The following ABCC5 variants were observed in gnomAD, a reference collection of about 807,000 sequenced individuals.
The protein encoded by ABCC5 is ATP binding cassette subfamily C member 5, also known as ATP-binding cassette sub-family C member 5.
A neutral mutation model predicts 160.9 loss-of-function variants in ABCC5; 61 were observed. The observed-to-expected ratio is 0.38, with a 90% CI of 0.31 to 0.47. The LOEUF (loss-of-function observed/expected upper bound fraction) is 0.47. ABCC5 is among the 20% of genes least tolerant of loss of function. The pLI, the probability that ABCC5 is intolerant of heterozygous loss-of-function variation, is 0.99. For synonymous variants in ABCC5, 666 were observed against 700.6 expected, an observed-to-expected ratio of 0.95 and a Z score of 0.78; for missense variants, 1,308 against 1,813.3, an observed-to-expected ratio of 0.72 and a Z score of 5.06.
At chr3:183,964,406 T>C (rs970762098) in intron 14 of ABCC5, among the ~76,000 whole-genome samples, 1 of 152,246 alleles carries the variant, frequency 6.6e-6, no homozygotes, top group Non-Finnish European at 1.5e-5. Flanking sequence ...AATATTCAAT[T>C]AATTCAGAGG....
In ABCC5 at chr3:183,952,543, G is replaced by A. The variant is rs183720388; in HGVS notation, c.2668-540C>T. Among the ~76,000 whole-genome samples, 167 of 152,288 alleles carry A rather than the reference G, an allele frequency of 1.1e-3. 5 individuals are homozygous for A. In the East Asian group the frequency reaches 0.026, roughly 24 times the overall value. Reference sequence around the variant, plus strand: ...TTCCCAGGTGTTGAGGAAGGGACCCGGTGGGAGGTGACCGGATTGTGGGGT... The same window carrying A: ...TTCCCAGGTGTTGAGGAAGGGACCCAGTGGGAGGTGACCGGATTGTGGGGT... On this transcript the variant is annotated intron_variant, in intron 18 of 29. Coordinates refer to ENST00000334444, the MANE Select transcript of ABCC5 (RefSeq NM_005688.4).
intron 20 of ABCC5, among the ~76,000 whole-genome samples, chr3:183,950,595 C>A (rs4148587): frequency 0.036 from 5,519 of 152,200 alleles, 330 homozygotes; most frequent in African/African-American, 0.12. Flanking sequence ...CCCACCCCAC[C>A]GCCTTTTTTC....
chr3:183,921,470 C>A lies in ABCC5; in HGVS notation c.4213-69G>T, dbSNP rs879079216. 6.9e-7 allele frequency: 1 copy of A among 1,452,910 alleles called. No individual in the cohort carries two copies. Among genetic ancestry groups the A allele is most frequent in the South Asian group, 1.3e-5 (1 of 74,122 alleles). 90.0% of individuals were successfully genotyped at this position (1,452,910 alleles called of 1,614,324 possible). On this transcript the variant is annotated intron_variant, in intron 29 of 29. Transcript: ENST00000334444. This position sits in a 1 kb window ranked among gnomAD's most constrained non-coding sequence, Gnocchi z 4.1. ...GCAGGGTGATTCAGAGGATCCACGG[C>A]TCAGTAAGTGCCAGTGCCCTCTGAG...
At chr3:183,996,181 T>C (rs2108886775) in intron 2 of ABCC5, among the ~76,000 whole-genome samples, 1 of 152,302 alleles carries the variant, frequency 6.6e-6, no homozygotes, top group African/African-American at 2.4e-5. Context: ...TCCATCAGTA[T>C]GTTTACATGA....
At chr3:183,938,554 C>A (rs1052789269) in intron 25 of ABCC5, among the ~76,000 whole-genome samples, 6 of 152,184 alleles carry the variant, frequency 3.9e-5, no homozygotes, top group African/African-American at 1.4e-4. Context: ...ACCTTGGCCT[C>A]CCAAAATGCT....
chr3:183,954,727 G>T (rs547977701), intron 17 of ABCC5, among the ~76,000 whole-genome samples: 1 of 152,136 alleles, frequency 6.6e-6, no homozygotes, highest in African/African-American at 2.4e-5. Flanking sequence ...ACCTTGAGAC[G>T]GGTCTCAATC....
chr3:183,977,337 G>A (rs888549526), intron 10 of ABCC5, among the ~76,000 whole-genome samples, 180 bp downstream of exon 10: 1 of 152,220 alleles, frequency 6.6e-6, no homozygotes, highest in South Asian at 2.1e-4. Context: ...TAAAAAAGGT[G>A]ACAAGTCTCA....
intron 26 of ABCC5, among the ~76,000 whole-genome samples, chr3:183,930,887 T>C (rs144656493): frequency 1.8e-3 from 280 of 152,312 alleles, no homozygotes; most frequent in African/African-American, 6.4e-3. Flanking sequence ...ATACAGCAAG[T>C]AAGTCCATCA....
chr3:183,988,996 T>C lies in ABCC5; in HGVS notation c.287+230A>G, dbSNP rs1719484681. Among the ~76,000 whole-genome samples, 1 of 151,732 alleles carries C rather than the reference T, an allele frequency of 6.6e-6. No homozygotes were observed. The highest frequency in any genetic ancestry group is 2.1e-4 in the South Asian group (1 of 4,796). On this transcript the variant is annotated intron_variant, in intron 3 of 29. Transcript: ENST00000334444. This position sits in a 1 kb window ranked among gnomAD's most constrained non-coding sequence, Gnocchi z 4.4. Reference sequence around the variant, plus strand: ...CTGGCCAATATGGTGTAACCCCGTCTCTACTAAAAATACAAAAAAATTAGC... The same window carrying C: ...CTGGCCAATATGGTGTAACCCCGTCCCTACTAAAAATACAAAAAAATTAGC...
At chr3:183,938,115 A>T (rs1422495191) in intron 25 of ABCC5, 55 bp from the exon 26 acceptor site, 1 of 1,577,714 alleles carries the variant, frequency 6.3e-7, no homozygotes, top group African/African-American at 1.3e-5. Flanking sequence ...CTGTGAGGAC[A>T]ATGCTGGTTT....
At position 183,987,004 on chromosome 3, in the gene ABCC5, A is replaced by C. The variant is rs1719276995; in HGVS notation, c.591+766T>G. 6.6e-6 allele frequency: 1 copy of C among 152,280 alleles called. No homozygotes were observed. The highest frequency in any genetic ancestry group is 1.5e-5 in the Non-Finnish European group (1 of 68,070). 9.4% of individuals were successfully genotyped at this position (152,280 alleles called of 1,614,324 possible). A position where few individuals can be genotyped will look rare whatever the true frequency, so the allele number is the denominator to read the frequency against. Reference sequence around the variant, plus strand: ...CCTAATTGCCATGCATCTTAGGCACATACTTACCAAAACCATGAACCTCCA... The same window carrying C: ...CCTAATTGCCATGCATCTTAGGCACCTACTTACCAAAACCATGAACCTCCA... On this transcript the variant is annotated intron_variant, in intron 5 of 29. Coordinates refer to ENST00000334444, the MANE Select transcript of ABCC5 (RefSeq NM_005688.4). The surrounding 1 kb of genome is among the most constrained non-coding windows in gnomAD (Gnocchi z 4.2).
At position 183,987,675 on chromosome 3, in the gene ABCC5, C is replaced by T; in HGVS notation, c.591+95G>A. The T allele has an allele frequency of 6.4e-7, 1 of 1,564,206 alleles. No individual in the cohort carries two copies. Among genetic ancestry groups the T allele is most frequent in the Non-Finnish European group, 8.7e-7 (1 of 1,147,666 alleles). ...GCATCTCTAAGACTGCTACCTAGCC[C>T]AAAGCTGAGCACAACCTCTGCAACA... On this transcript the variant is annotated intron_variant, in intron 5 of 29. Transcript: ENST00000334444. The surrounding 1 kb of genome is among the most constrained non-coding windows in gnomAD (Gnocchi z 4.2).
At chr3:183,929,401 C>T (rs1237408813) in intron 26 of ABCC5, among the ~76,000 whole-genome samples, 1 of 152,092 alleles carries the variant, frequency 6.6e-6, no homozygotes, top group African/African-American at 2.4e-5. Context: ...CCACTGCACT[C>T]TAGCCTGGGC....
intron 23 of ABCC5, among the ~76,000 whole-genome samples, chr3:183,946,275 C>T (rs1424765010): frequency 6.6e-6 from 1 of 152,180 alleles, no homozygotes; most frequent in Non-Finnish European, 1.5e-5. Flanking sequence ...GGAGTCACAA[C>T]AAATGGAGAT....
chr3:184,002,740 C>T (rs1044286687), intron 2 of ABCC5, among the ~76,000 whole-genome samples: 2 of 152,182 alleles, frequency 1.3e-5, no homozygotes, highest in Non-Finnish European at 2.9e-5. Context: ...GGACAGATAC[C>T]AGGGGCCAGA....
rs142251434 is a variant in ABCC5 at position 183,958,688 on chromosome 3, C to T, written c.2482+1045G>A. ...TTTTTGTCAGGATCTCACTCGGTCC[C>T]CCAGGCTGGAGCGCAGTGGCTCACC... On this transcript the variant is annotated intron_variant, in intron 17 of 29. Coordinates refer to ENST00000334444, the MANE Select transcript of ABCC5 (RefSeq NM_005688.4). 2.6e-3 allele frequency among the ~76,000 whole-genome samples: 388 copies of T among 152,050 alleles called. 2 individuals carry two copies. Among genetic ancestry groups the T allele is most frequent in the African/African-American group, 8.8e-3 (366 of 41,504 alleles).
rs1718431056 is a variant in ABCC5, at chr3:183,978,638, C to T, written c.1161G>A (p.Glu387=). 3 of 1,613,030 alleles carry T rather than the reference C, an allele frequency of 1.9e-6. No homozygotes were observed. The highest frequency in any genetic ancestry group is 2.5e-6 in the Non-Finnish European group (3 of 1,179,742). ...CAGCTTTTTCCAATATCCGACGCTC[C>T]TCCTCGCGGATTTCTATGAATAAAA... ...FSQSVQKIRE[E]ERRILEKAGY... The change falls in exon 9 of 30, where the codon GAG becomes GAA. Residue 387 remains glutamate (E), a synonymous_variant. Coordinates refer to ENST00000334444, the MANE Select transcript of ABCC5 (RefSeq NM_005688.4).
In ABCC5 at chr3:183,971,605, G is replaced by A. The variant is rs1451729996; in HGVS notation, c.1719C>T (p.Arg573=). The change falls in exon 11 of 30, where the codon CGC becomes CGT. Residue 573 remains arginine, a synonymous_variant. Transcript: ENST00000334444. ...EGKHIHLGHL[R]LQRTLHSIDL... ...CGATGCTGTGCAGTGTCCTCTGTAAGCGCAGGTGGCCCAGGTGGATGTGCT... is the reference window on the plus strand; with the variant it reads ...CGATGCTGTGCAGTGTCCTCTGTAAACGCAGGTGGCCCAGGTGGATGTGCT... 6.2e-7 allele frequency: 1 copy of A among 1,614,022 alleles called. No homozygotes were observed. The highest frequency in any genetic ancestry group is 8.5e-7 in the Non-Finnish European group (1 of 1,180,020).
chr3:184,007,916 T>G (rs1171390448), intron 2 of ABCC5, among the ~76,000 whole-genome samples: 1 of 152,246 alleles, frequency 6.6e-6, no homozygotes, highest in Non-Finnish European at 1.5e-5. Flanking sequence ...ACACATTTGA[T>G]GCTCAATACC....
Sources: gnomAD v4.1 joint callset for allele counts (sites outside exome capture counted in the v4.1 genomes callset) on GRCh38, gnomAD v4.1.1 for gene constraint, Gnocchi (gnomAD v3.1) non-coding constraint, MANE v1.5 for transcripts, NCBI Gene and HGNC (gene_info 2026-07-23, HGNC 2026-07-21) for gene names.